The following AFF3 variants were observed in gnomAD, a reference collection of about 807,000 sequenced individuals.
AFF3 encodes AF4/FMR2 family member 3.
A neutral mutation model predicts 129.7 loss-of-function variants in AFF3; 32 were observed. That is an observed-to-expected ratio of 0.25 (90% CI 0.19 to 0.33). The LOEUF is 0.33. Ranked by LOEUF, AFF3 falls within the 10% of genes least tolerant of loss-of-function variation. The pLI is 1.00. For missense variants in AFF3, 1,373 were observed against 1,592.0 expected (o/e 0.86, Z 2.34); for synonymous variants, 644 against 635.4 (o/e 1.01, Z -0.20).
At chr2:99,632,038 T>TA in intron 13 of AFF3, among the ~76,000 whole-genome samples, 1 of 111,112 alleles carries the variant, frequency 9.0e-6, no homozygotes, top group East Asian at 2.9e-4. Flanking sequence ...TTTTTTTAGA[T>TA]AGAGTCTCGC....
chr2:99,822,287 A>G (rs1174265456), intron 8 of AFF3, among the ~76,000 whole-genome samples: 1 of 119,684 alleles, frequency 8.4e-6, no homozygotes, highest in African/African-American at 3.3e-5. Flanking sequence ...TTGTGGGAAG[A>G]TGAGTTTTCC....
At chr2:99,919,030 T>C (rs1695677475) in intron 7 of AFF3, among the ~76,000 whole-genome samples, 2 of 152,188 alleles carry the variant, frequency 1.3e-5, no homozygotes, top group Admixed American at 6.5e-5. Context: ...ATCATTATTT[T>C]TACTGCTTTA....
intron 11 of AFF3, among the ~76,000 whole-genome samples, chr2:99,678,593 GT>G (rs1188776300): frequency 2.0e-5 from 3 of 152,108 alleles, no homozygotes; most frequent in East Asian, 3.9e-4. Context: ...TGTTTTAATG[GT>G]TTTTTAAAAA....
At chr2:100,135,261 T>C (rs778573036) in intron 1 of AFF3, among the ~76,000 whole-genome samples, 3 of 152,212 alleles carry the variant, frequency 2.0e-5, no homozygotes, top group Non-Finnish European at 4.4e-5. Context: ...TCTTTTGCAA[T>C]GTGACATTGT....
intron 4 of AFF3, among the ~76,000 whole-genome samples, chr2:100,042,012 C>T (rs76274623): frequency 0.011 from 1,680 of 152,220 alleles, 33 homozygotes; most frequent in African/African-American, 0.038. Context: ...CCCCTCACAT[C>T]GCCTCCAAGG....
intron 13 of AFF3, among the ~76,000 whole-genome samples, chr2:99,611,266 T>C (rs1266453022): frequency 1.3e-5 from 2 of 152,354 alleles, no homozygotes; most frequent in Non-Finnish European, 2.9e-5. Flanking sequence ...AAAATGCTTG[T>C]CAGATAATTA....
At chr2:99,660,217 G>A (rs930980850) in intron 12 of AFF3, among the ~76,000 whole-genome samples, 8 of 152,170 alleles carry the variant, frequency 5.3e-5, no homozygotes, top group African/African-American at 1.2e-4. Context: ...AGCAACTAGC[G>A]CCTAAATTGT....
chr2:100,061,130 G>A (rs1258330671), intron 4 of AFF3, among the ~76,000 whole-genome samples: 2 of 152,122 alleles, frequency 1.3e-5, no homozygotes, highest in Non-Finnish European at 2.9e-5. Context: ...ACTGATCACT[G>A]GGATGAGAAA....
chr2:99,878,319 A>G (rs1036308465), intron 7 of AFF3, among the ~76,000 whole-genome samples: 2 of 152,098 alleles, frequency 1.3e-5, no homozygotes, highest in African/African-American at 4.8e-5. Flanking sequence ...CAGTTCTTGC[A>G]ATGGAACGCT....
intron 4 of AFF3, among the ~76,000 whole-genome samples, chr2:100,103,711 G>A (rs1690946665): frequency 6.6e-6 from 1 of 152,048 alleles, no homozygotes; most frequent in Non-Finnish European, 1.5e-5. Context: ...GGCATAAAGG[G>A]ATACCCGGGG....
chr2:99,976,542 A>G (rs1301159552), intron 7 of AFF3, among the ~76,000 whole-genome samples: 1 of 152,200 alleles, frequency 6.6e-6, no homozygotes, highest in Non-Finnish European at 1.5e-5. Context: ...AAGGTAAGGA[A>G]TCCTTACTAA....
At chr2:99,695,052 A>C (rs1364685395) in intron 11 of AFF3, among the ~76,000 whole-genome samples, 1 of 152,090 alleles carries the variant, frequency 6.6e-6, no homozygotes, top group Non-Finnish European at 1.5e-5. Flanking sequence ...TAATTAGTAA[A>C]TTTTAATAAT....
chr2:99,758,136 C>T (rs1682273222), intron 8 of AFF3, among the ~76,000 whole-genome samples: 1 of 152,198 alleles, frequency 6.6e-6, no homozygotes, highest in African/African-American at 2.4e-5. Context: ...TTTCTGTTAC[C>T]TGAACTGCCA....
chr2:100,059,484 T>C (rs533333627), intron 4 of AFF3, among the ~76,000 whole-genome samples: 7 of 152,218 alleles, frequency 4.6e-5, no homozygotes, highest in Non-Finnish European at 8.8e-5. Context: ...AACTGGAACC[T>C]TCATACACCA....
intron 4 of AFF3, among the ~76,000 whole-genome samples, chr2:100,103,871 G>A (rs1328414043): frequency 6.6e-6 from 1 of 151,904 alleles, no homozygotes; most frequent in East Asian, 2.0e-4. Flanking sequence ...TGCCCTGGAT[G>A]TTCACTTTTC....
At chr2:99,781,804 T>C (rs759234980) in intron 8 of AFF3, among the ~76,000 whole-genome samples, 42 of 152,172 alleles carry the variant, frequency 2.8e-4, no homozygotes, top group Non-Finnish European at 5.7e-4. Context: ...AGAAATATTA[T>C]ACCAAAAGGG....
intron 15 of AFF3, among the ~76,000 whole-genome samples, chr2:99,590,979 C>A (rs1180023794): frequency 8.4e-5 from 12 of 143,688 alleles, no homozygotes; most frequent in African/African-American, 3.1e-4. Context: ...GCCTGGGCAA[C>A]AAGAGCGAAA....
chr2:99,792,518 C>T (rs1685268513), intron 8 of AFF3, among the ~76,000 whole-genome samples: 1 of 151,792 alleles, frequency 6.6e-6, no homozygotes, highest in African/African-American at 2.4e-5. Flanking sequence ...AACAAAAACT[C>T]AAACAAAATG....
At chr2:99,624,899 G>A (rs761380066) in intron 13 of AFF3, among the ~76,000 whole-genome samples, 14 of 152,122 alleles carry the variant, frequency 9.2e-5, no homozygotes, top group South Asian at 4.1e-4. Context: ...AGATGCCTCC[G>A]ACCTGCATAC....
Sources: allele counts gnomAD v4.1 joint callset (sites outside exome capture counted in the v4.1 genomes callset), GRCh38; gene constraint gnomAD v4.1.1; transcripts MANE v1.5; gene names NCBI Gene and HGNC (gene_info 2026-07-23, HGNC 2026-07-21).